PHLPP1: variants seen among roughly 807,000 people sequenced by gnomAD.
PHLPP1 encodes PH domain leucine-rich repeat-containing protein phosphatase 1.
In PHLPP1, 42 loss-of-function variants were observed where a neutral mutation model predicts 117.2. The observed-to-expected ratio is 0.36, with a 90% confidence interval of 0.28 to 0.46. PHLPP1 has a LOEUF of 0.46. PHLPP1 is among the 20% of genes least tolerant of loss of function. The pLI is 1.00. For synonymous variants in PHLPP1, 1,042 were observed against 970.7 expected (o/e 1.07, Z -1.37); for missense variants, 2,084 against 2,241.9 (o/e 0.93, Z 1.42).
Position 62,716,441 on chromosome 18 carries a change from G to C in PHLPP1, c.758G>C (p.Gly253Ala), listed in dbSNP as rs1910737150. ...GTGAAGGTGCTGGGCCAGGGGCCCGGAGCCGCCGCCGCCCGGGAGCCCGCT... is the reference window on the plus strand; with the variant it reads ...GTGAAGGTGCTGGGCCAGGGGCCCGCAGCCGCCGCCGCCCGGGAGCCCGCT... ...GVVKVLGQGP[G>A]AAAAREPAEP... Residue 253 changes from glycine (G) to alanine (A), a missense_variant, in exon 1 of 17, where the codon GGA (glycine) becomes GCA (alanine). Physicochemically the swap from Gly to Ala is moderately conservative, Grantham distance 60 (BLOSUM62 0). Around this residue, in one of 2 missense-constraint regions of PHLPP1, gnomAD observed 719 missense variants for 636.0 expected, o/e 1.13. Coordinates refer to ENST00000262719, the MANE Select transcript of PHLPP1 (RefSeq NM_194449.4). The surrounding 1 kb of genome is among the most constrained non-coding windows in gnomAD (Gnocchi z 5.7). The C allele has an allele frequency of 2.3e-6, 3 of 1,320,374 alleles. No homozygotes were observed. In the South Asian group the frequency reaches 6.3e-5, roughly 28 times the overall value. 81.8% of individuals were successfully genotyped at this position (1,320,374 alleles called of 1,614,324 possible).
At chr18:62,762,730 C>T (rs561578769) in intron 1 of PHLPP1, among the ~76,000 whole-genome samples, 10 of 152,026 alleles carry the variant, frequency 6.6e-5, no homozygotes, top group East Asian at 3.9e-4. Flanking sequence ...CTTGATTTTA[C>T]GTGATTTTCA....
intron 10 of PHLPP1, among the ~76,000 whole-genome samples, chr18:62,935,403 TTAGA>T (rs1410620744): frequency 1.3e-5 from 2 of 152,228 alleles, no homozygotes; most frequent in Non-Finnish European, 2.9e-5. Context: ...TTCCTTGTTC[TTAGA>T]TAGGACGACT....
intron 1 of PHLPP1, among the ~76,000 whole-genome samples, chr18:62,720,683 T>C (rs1910888892): frequency 6.6e-6 from 1 of 152,144 alleles, no homozygotes. Context: ...ACAGTCCCTT[T>C]AATTTTCAGT....
chr18:62,767,834 A>T (rs1481106989), intron 1 of PHLPP1, among the ~76,000 whole-genome samples: 2 of 152,232 alleles, frequency 1.3e-5, no homozygotes, highest in African/African-American at 2.4e-5. Flanking sequence ...ATAGAGTACA[A>T]TAGCAGAAAA....
chr18:62,891,952 G>A (rs1445198131), intron 4 of PHLPP1, among the ~76,000 whole-genome samples: 1 of 147,838 alleles, frequency 6.8e-6, no homozygotes, highest in African/African-American at 2.5e-5. Context: ...CATTTAGACA[G>A]TAATAAAGCA....
chr18:62,742,094 C>A (rs1911546822), intron 1 of PHLPP1, among the ~76,000 whole-genome samples: 1 of 152,078 alleles, frequency 6.6e-6, no homozygotes, highest in Admixed American at 6.5e-5. Context: ...AATGGGAAAC[C>A]ATTCCATTGA....
chr18:62,783,150 TA>T lies in PHLPP1; in HGVS notation c.1577-46869del, dbSNP rs1420812535. Among the ~76,000 whole-genome samples the T allele has an allele frequency of 9.1e-3, 1,118 of 123,290 alleles. 9 individuals are homozygous for T. The highest frequency in any genetic ancestry group is 0.013 in the Non-Finnish European group (819 of 60,774). 80.9% of individuals were successfully genotyped at this position (123,290 alleles called of 152,430 possible). A position where few individuals can be genotyped will look rare whatever the true frequency, so the allele number is the denominator to read the frequency against. ...TTAAAAGTATTTGTTTTCAGAGTTT[TA>T]AAAAAAAAAAAAAAAGATGAGTCAC... On this transcript the variant is annotated intron_variant, in intron 1 of 16. Transcript: ENST00000262719.
At chr18:62,894,925 C>A (rs1916513285) in intron 4 of PHLPP1, 86 bp from the exon 5 acceptor site, 1 of 1,169,522 alleles carries the variant, frequency 8.6e-7, no homozygotes, top group Non-Finnish European at 1.2e-6. Flanking sequence ...GGGAGTTGGG[C>A]TAGATTATCT....
chr18:62,805,856 C>G (rs1913934801), intron 1 of PHLPP1, among the ~76,000 whole-genome samples: 2 of 150,856 alleles, frequency 1.3e-5, no homozygotes, highest in African/African-American at 2.4e-5. Flanking sequence ...TCTTTTTCAC[C>G]CCCATGCATA....
rs1260015920 is a variant in PHLPP1 at position 62,789,788 on chromosome 18, C to T, written c.1577-40247C>T. Among the ~76,000 whole-genome samples the T allele has an allele frequency of 5.3e-5, 8 of 152,160 alleles. No homozygotes were observed. The South Asian group carries it at 1.0e-3, about 20-fold the overall frequency. On this transcript the variant is annotated intron_variant, in intron 1 of 16. Transcript: ENST00000262719. ...GTGATGAAGGCAAGTAGTTCAAGGC[C>T]GCACCCGAGACCAATTTAATATATA... is the stretch of plus-strand genomic sequence containing the variant.
intron 16 of PHLPP1, among the ~76,000 whole-genome samples, chr18:62,976,952 G>C (rs1303331106): frequency 6.6e-6 from 1 of 152,170 alleles, no homozygotes; most frequent in East Asian, 1.9e-4. Context: ...AACTCCTGGA[G>C]CCCATGGTGG....
intron 1 of PHLPP1, among the ~76,000 whole-genome samples, chr18:62,730,627 G>A (rs1238550706): frequency 4.6e-5 from 7 of 152,102 alleles, no homozygotes; most frequent in Admixed American, 4.6e-4. Context: ...TTCGAGACCA[G>A]TCTGGCTAAC....
At position 62,978,045 on chromosome 18, in the gene PHLPP1, T is replaced by A. The variant is rs1425383907; in HGVS notation, c.3985-217T>A. 6.6e-6 allele frequency among the ~76,000 whole-genome samples: 1 copy of A among 152,188 alleles called. No individual in the cohort carries two copies. The highest frequency in any genetic ancestry group is 2.4e-5 in the African/African-American group (1 of 41,444). On this transcript the variant is annotated intron_variant, in intron 16 of 16. Coordinates refer to ENST00000262719, the MANE Select transcript of PHLPP1 (RefSeq NM_194449.4). The surrounding 1 kb of genome is among the most constrained non-coding windows in gnomAD (Gnocchi z 7.0). Reference sequence around the variant, plus strand: ...AACCGAAATCTTTTCCTTTTGTCCCTACTGCTCCTTACCTGCCCAGGCCTA... The same window carrying A: ...AACCGAAATCTTTTCCTTTTGTCCCAACTGCTCCTTACCTGCCCAGGCCTA...
At chr18:62,724,811 C>T (rs762165956) in intron 1 of PHLPP1, among the ~76,000 whole-genome samples, 10 of 152,212 alleles carry the variant, frequency 6.6e-5, no homozygotes, top group Non-Finnish European at 1.2e-4. Flanking sequence ...TCTGATGGAA[C>T]AGGTGGGTAT....
At chr18:62,905,561 C>T (rs1214365140) in intron 8 of PHLPP1, among the ~76,000 whole-genome samples, 1 of 152,114 alleles carries the variant, frequency 6.6e-6, no homozygotes, top group African/African-American at 2.4e-5. Context: ...GCTCTAATAA[C>T]TCTTTTCATT....
At chr18:62,936,653 C>T (rs527340638) in intron 10 of PHLPP1, among the ~76,000 whole-genome samples, 1 of 152,166 alleles carries the variant, frequency 6.6e-6, no homozygotes, top group East Asian at 1.9e-4. Flanking sequence ...AGGGCACAAC[C>T]TCTGCGATAT....
At chr18:62,897,601 G>T (rs1916595711) in intron 6 of PHLPP1, among the ~76,000 whole-genome samples, 1 of 152,136 alleles carries the variant, frequency 6.6e-6, no homozygotes, top group South Asian at 2.1e-4. Flanking sequence ...CCACCTCCTG[G>T]GTTCAAGAGA....
intron 1 of PHLPP1, among the ~76,000 whole-genome samples, chr18:62,826,731 G>A (rs745703629): frequency 1.3e-5 from 2 of 152,214 alleles, no homozygotes; most frequent in East Asian, 1.9e-4. Flanking sequence ...ATCCGGGCGC[G>A]GTGGTTCATG....
At chr18:62,819,142 GAAAC>G (rs760328105) in intron 1 of PHLPP1, among the ~76,000 whole-genome samples, 8 of 152,162 alleles carry the variant, frequency 5.3e-5, no homozygotes, top group Admixed American at 5.2e-4. Flanking sequence ...AACATGTAAG[GAAAC>G]AAACAAATGG....
Sources: allele counts gnomAD v4.1 joint callset (sites outside exome capture counted in the v4.1 genomes callset), GRCh38; gene constraint gnomAD v4.1.1; regional missense constraint gnomAD v4.1.1; non-coding constraint Gnocchi (gnomAD v3.1); transcripts MANE v1.5; gene names NCBI Gene and HGNC (gene_info 2026-07-23, HGNC 2026-07-21).